The following FAM120B variants were observed in gnomAD, a reference collection of about 807,000 sequenced individuals.
FAM120B encodes family with sequence similarity 120 member B, also known as constitutive coactivator of peroxisome proliferator-activated receptor gamma.
A neutral mutation model predicts 96.3 loss-of-function variants in FAM120B; 83 were observed. That is an observed-to-expected ratio of 0.86 (90% CI 0.72 to 1.03). The LOEUF is 1.03. Ranked by LOEUF, FAM120B falls within the 50% of genes least tolerant of loss-of-function variation. The pLI, the probability that FAM120B is intolerant of heterozygous loss-of-function variation, is 0.00. For missense variants in FAM120B, 1,027 were observed against 1,121.2 expected, an observed-to-expected ratio of 0.92 and a Z score of 1.20; for synonymous variants, 407 against 402.7, an observed-to-expected ratio of 1.01 and a Z score of -0.13.
rs1325744094 is a variant in FAM120B at position 170,318,814 on chromosome 6, T to C, written c.1424T>C (p.Met475Thr). The C allele has an allele frequency of 3.7e-6, 6 of 1,614,042 alleles. No homozygotes were observed. Among genetic ancestry groups the C allele is most frequent in the Non-Finnish European group, 5.1e-6 (6 of 1,179,986 alleles). Reference protein sequence around the residue: ...TGPESRQEVPMYTGPESRQEV... With the variant: ...TGPESRQEVPTYTGPESRQEV... ...CCTGAATCCAGGCAAGAAGTTCCCA[T>C]GTATACAGGCCCTGAATCCAGGCAA... The change falls in exon 2 of 11, where the codon ATG becomes ACG. Residue 475 changes from methionine (M) to threonine (T), a missense_variant. Coordinates refer to ENST00000476287, the MANE Select transcript of FAM120B (RefSeq NM_032448.3).
intron 6 of FAM120B, among the ~76,000 whole-genome samples, chr6:170,366,322 T>C (rs1312800944): frequency 1.3e-5 from 2 of 152,206 alleles, no homozygotes; most frequent in African/African-American, 4.8e-5. Context: ...GGTTAGGTTC[T>C]GGCCAGTTGC....
chr6:170,380,013 T>G (rs1428133903), intron 6 of FAM120B, among the ~76,000 whole-genome samples: 2 of 152,146 alleles, frequency 1.3e-5, no homozygotes, highest in Non-Finnish European at 2.9e-5. Context: ...TCCCATTTCC[T>G]CCCTCACCCA....
intron 6 of FAM120B, among the ~76,000 whole-genome samples, chr6:170,365,400 G>A (rs1788718871): frequency 6.6e-6 from 1 of 152,206 alleles, no homozygotes; most frequent in Non-Finnish European, 1.5e-5. Flanking sequence ...GACAGCTGTG[G>A]TCTATGTCAT....
chr6:170,378,137 C>T (rs1789682908), intron 6 of FAM120B, among the ~76,000 whole-genome samples: 2 of 152,178 alleles, frequency 1.3e-5, no homozygotes, highest in Admixed American at 1.3e-4. Flanking sequence ...GTGGAATTTT[C>T]CTTGGTTCAC....
chr6:170,337,630 G>A (rs1391214864), intron 4 of FAM120B, among the ~76,000 whole-genome samples: 2 of 152,152 alleles, frequency 1.3e-5, no homozygotes, highest in Non-Finnish European at 2.9e-5. Flanking sequence ...TGTACCTCTG[G>A]TAGAATTCGA....
At chr6:170,364,533 C>T (rs1390492861) in intron 6 of FAM120B, among the ~76,000 whole-genome samples, 1 of 152,176 alleles carries the variant, frequency 6.6e-6, no homozygotes, top group Non-Finnish European at 1.5e-5. Flanking sequence ...AAATGGATAC[C>T]TGCAATTTAA....
At chr6:170,403,510 G>C (rs1044158654) in intron 9 of FAM120B, among the ~76,000 whole-genome samples, 3 of 152,158 alleles carry the variant, frequency 2.0e-5, no homozygotes, top group Non-Finnish European at 2.9e-5. Context: ...GCCAAAAGTT[G>C]TCAAGTTTCT....
intron 6 of FAM120B, among the ~76,000 whole-genome samples, chr6:170,386,287 C>CT (rs899381326): frequency 2.6e-5 from 4 of 152,012 alleles, no homozygotes; most frequent in Non-Finnish European, 4.4e-5. Context: ...ACATAAAGTC[C>CT]TTTTTTTTAA....
At position 170,323,075 on chromosome 6, in the gene FAM120B, A is replaced by G; in HGVS notation, c.1735-4A>G. The G allele has an allele frequency of 1.3e-6, 2 of 1,594,388 alleles. No individual in the cohort carries two copies. Among genetic ancestry groups the G allele is most frequent in the Non-Finnish European group, 1.7e-6 (2 of 1,171,788 alleles). ...AAATTCAGTTGTATTTAAATTTCAA[A>G]CAGGTTGCTAGAACACATCACGTCC... On this transcript the variant is annotated splice_polypyrimidine_tract_variant and splice_region_variant and intron_variant, in intron 2 of 10. Transcript: ENST00000476287.
chr6:170,321,778 T>C (rs1250224448), intron 2 of FAM120B, among the ~76,000 whole-genome samples: 1 of 152,182 alleles, frequency 6.6e-6, no homozygotes, highest in Admixed American at 6.5e-5. Context: ...CTCACAGTAG[T>C]CCTGGGAGCC....
At chr6:170,375,108 T>A (rs563659223) in intron 6 of FAM120B, among the ~76,000 whole-genome samples, 1 of 152,374 alleles carries the variant, frequency 6.6e-6, no homozygotes, top group East Asian at 1.9e-4. Flanking sequence ...GGGCTCCCTC[T>A]GCTGTAACTC....
At chr6:170,398,140 T>C (rs942675848) in intron 9 of FAM120B, among the ~76,000 whole-genome samples, 10 of 152,196 alleles carry the variant, frequency 6.6e-5, no homozygotes, top group Admixed American at 2.6e-4. Context: ...GAGTGTGCCA[T>C]CAGGCCTCCC....
At chr6:170,375,019 TCAC>T (rs1324102366) in intron 6 of FAM120B, among the ~76,000 whole-genome samples, 1 of 152,222 alleles carries the variant, frequency 6.6e-6, no homozygotes, top group African/African-American at 2.4e-5. Context: ...ACAGATGAGA[TCAC>T]CACAACCCAC....
chr6:170,401,984 C>T (rs1011079397), intron 9 of FAM120B, among the ~76,000 whole-genome samples: 8 of 152,210 alleles, frequency 5.3e-5, no homozygotes, highest in South Asian at 2.1e-4. Context: ...CTCTCTTCCC[C>T]GAACATGCCA....
In FAM120B at chr6:170,317,845, C is replaced by G; in HGVS notation, c.455C>G (p.Thr152Ser). 1 of 1,614,230 alleles carries G rather than the reference C, an allele frequency of 6.2e-7. No individual in the cohort carries two copies. Among genetic ancestry groups the G allele is most frequent in the Non-Finnish European group, 8.5e-7 (1 of 1,180,046 alleles). Residue 152 changes from threonine (T) to serine (S), a missense_variant, in exon 2 of 11, where the codon ACT becomes AGT. Transcript: ENST00000476287. ...GCTCTAAAGACACTGGGCCAGGAAACTTTGTGTTCTTTGCAGGAAGCAGAT... is the reference window on the plus strand; with the variant it reads ...GCTCTAAAGACACTGGGCCAGGAAAGTTTGTGTTCTTTGCAGGAAGCAGAT... ...RFALKTLGQE[T>S]LCSLQEADYE...
Position 170,317,758 on chromosome 6 carries a change from A to G in FAM120B, c.368A>G (p.Lys123Arg), listed in dbSNP as rs200797523. 1.9e-6 allele frequency: 3 copies of G among 1,614,218 alleles called. No individual in the cohort carries two copies. The highest frequency in any genetic ancestry group is 2.2e-5 in the East Asian group (1 of 44,892). ...SRIFHYIKSH[K>R]EQPGRNMFFI... ...ATTTTTCATTACATCAAGTCACACA[A>G]GGAGCAGCCAGGCAGAAATATGTTC... Residue 123 changes from lysine to arginine, a missense_variant, in exon 2 of 11, where the codon AAG (lysine) becomes AGG (arginine). Transcript: ENST00000476287.
chr6:170,308,479 G>A (rs763937254), intron 1 of FAM120B, among the ~76,000 whole-genome samples: 9 of 151,950 alleles, frequency 5.9e-5, no homozygotes, highest in Non-Finnish European at 1.2e-4. Context: ...CTGGGGTAAC[G>A]TAGTTTTTAG....
upstream of FAM120B, among the ~76,000 whole-genome samples, chr6:170,293,555 C>A (rs1783931347): frequency 6.6e-6 from 1 of 152,106 alleles, no homozygotes; most frequent in Non-Finnish European, 1.5e-5. Context: ...AGAATCCTGC[C>A]CAAAGCGTTC....
At chr6:170,385,932 A>C (rs186130413) in intron 6 of FAM120B, among the ~76,000 whole-genome samples, 1 of 152,332 alleles carries the variant, frequency 6.6e-6, no homozygotes. Flanking sequence ...AGGGAGAACT[A>C]TGGAAACAGT....
Sources: gnomAD v4.1 joint callset for allele counts (sites outside exome capture counted in the v4.1 genomes callset) on GRCh38, gnomAD v4.1.1 for gene constraint, MANE v1.5 for transcripts, NCBI Gene and HGNC (gene_info 2026-07-23, HGNC 2026-07-21) for gene names.